Variants in OR1D2 observed in about 807,000 individuals in gnomAD.
OR1D2 encodes the protein olfactory receptor 1D2.
For synonymous variants in OR1D2, 157 were observed against 153.9 expected (o/e 1.02, Z -0.15); for missense variants, 357 against 376.1 (o/e 0.95, Z 0.42).
chr17:3,098,791 A>G lies in OR1D2; in HGVS notation c.-51+5308T>C, dbSNP rs571111309. Among the ~76,000 whole-genome samples the G allele has an allele frequency of 2.0e-5, 3 of 152,318 alleles. No individual in the cohort carries two copies. In the South Asian group the frequency reaches 6.2e-4, roughly 32 times the overall value. On this transcript the variant is annotated intron_variant, in intron 1 of 1. Transcript: ENST00000641833. ...AAGCTAAGAACCTTGATAAAAGGTT[A>G]CAGGAGCTGCTGACTAGAATAATCA...
Position 3,089,658 on chromosome 17 carries a change from G to A in OR1D2, c.*2400C>T, listed in dbSNP as rs1371103980. 1 of 152,270 alleles carries A rather than the reference G, an allele frequency of 6.6e-6. No individual in the cohort carries two copies. Among genetic ancestry groups the A allele is most frequent in the African/African-American group, 2.4e-5 (1 of 41,442 alleles). The allele number at this position is 152,270 out of a possible 1,614,324, so 9.4% of individuals were successfully genotyped here. On this transcript the variant is annotated 3_prime_UTR_variant, in exon 2 of 2. Transcript: ENST00000641833. Reference sequence around the variant, plus strand: ...AGGGTGCGTAGAGAAAGACCATTAGGTTGGGGCAGGGTTAGGCATGTGTGA... The same window carrying A: ...AGGGTGCGTAGAGAAAGACCATTAGATTGGGGCAGGGTTAGGCATGTGTGA...
chr17:3,096,907 GA>G (rs1427433497), intron 1 of OR1D2, among the ~76,000 whole-genome samples: 15 of 152,268 alleles, frequency 9.9e-5, no homozygotes, highest in Admixed American at 7.8e-4. Flanking sequence ...AACAAAAGAA[GA>G]AAGTTATTTT....
At chr17:3,103,892 G>C (rs4420563) in intron 1 of OR1D2, among the ~76,000 whole-genome samples, 9,611 of 152,198 alleles carry the variant, frequency 0.063, 413 homozygotes, top group Admixed American at 0.16. Flanking sequence ...ACATGCAACA[G>C]AGAATGTGAA....
intron 1 of OR1D2, among the ~76,000 whole-genome samples, chr17:3,095,985 C>G (rs2047843146): frequency 6.6e-6 from 1 of 151,990 alleles, no homozygotes; most frequent in African/African-American, 2.4e-5. Context: ...AAATCATTTT[C>G]TATATATCAT....
At chr17:3,097,560 T>G (rs1227588780) in intron 1 of OR1D2, among the ~76,000 whole-genome samples, 2 of 152,310 alleles carry the variant, frequency 1.3e-5, no homozygotes, top group South Asian at 4.1e-4. Flanking sequence ...AAGATTCCAC[T>G]GGTGAACCCA....
chr17:3,097,857 G>A (rs1306606770), intron 1 of OR1D2, among the ~76,000 whole-genome samples: 1 of 152,130 alleles, frequency 6.6e-6, no homozygotes, highest in African/African-American at 2.4e-5. Flanking sequence ...GAGACTGGTT[G>A]ACTTGGTCCC....
At chr17:3,098,679 T>A (rs1411330948) in intron 1 of OR1D2, among the ~76,000 whole-genome samples, 1 of 152,082 alleles carries the variant, frequency 6.6e-6, no homozygotes, top group Admixed American at 6.5e-5. Flanking sequence ...GAGGATGAGA[T>A]GGCTGAATTG....
At chr17:3,093,090 C>A (rs548417153) in intron 1 of OR1D2, 44 bp from the exon 2 acceptor site, 6 of 1,203,590 alleles carry the variant, frequency 5.0e-6, no homozygotes, top group Non-Finnish European at 7.1e-6. Context: ...TCAACATTTT[C>A]TTAGAATTAA....
chr17:3,091,229 T>G lies in OR1D2; in HGVS notation c.*829A>C, dbSNP rs1422985670. 1 of 152,244 alleles carries G rather than the reference T, an allele frequency of 6.6e-6. No individual in the cohort carries two copies. Among genetic ancestry groups the G allele is most frequent in the Non-Finnish European group, 1.5e-5 (1 of 68,050 alleles). The allele number at this position is 152,244 out of a possible 1,614,324, so 9.4% of individuals were successfully genotyped here. A position where few individuals can be genotyped will look rare whatever the true frequency, so the allele number is the denominator to read the frequency against. ...AGAGATACAACTGTCGATTCCACCATCTTGTTGACATCACTCCTTTCACCC... is the reference window on the plus strand; with the variant it reads ...AGAGATACAACTGTCGATTCCACCAGCTTGTTGACATCACTCCTTTCACCC... On this transcript the variant is annotated 3_prime_UTR_variant, in exon 2 of 2. Coordinates refer to ENST00000641833, the MANE Select transcript of OR1D2 (RefSeq NM_002548.3).
chr17:3,091,315 T>G lies in OR1D2; in HGVS notation c.*743A>C, dbSNP rs980250342. On this transcript the variant is annotated 3_prime_UTR_variant, in exon 2 of 2. Coordinates refer to ENST00000641833, the MANE Select transcript of OR1D2 (RefSeq NM_002548.3). The stretch of plus-strand genomic sequence containing the variant: ...AATATTTCACTTAAAATATTTAGTA[T>G]TTTCCAAATATGTCTGTTTCTCTTT... 1 of 152,258 alleles carries G rather than the reference T, an allele frequency of 6.6e-6. No individual in the cohort carries two copies. The highest frequency in any genetic ancestry group is 1.5e-5 in the Non-Finnish European group (1 of 68,042). 9.4% of individuals were successfully genotyped at this position (152,258 alleles called of 1,614,324 possible). A position where few individuals can be genotyped will look rare whatever the true frequency, so the allele number is the denominator to read the frequency against.
In OR1D2 at chr17:3,090,650, A is replaced by G. The variant is rs2047801133; in HGVS notation, c.*1408T>C. ...GTTTTTCACCAGTCAGCTTAGCCAG[A>G]TATTCTGGGCTGGCCAGTTGGCAGG... On this transcript the variant is annotated 3_prime_UTR_variant, in exon 2 of 2. Coordinates refer to ENST00000641833, the MANE Select transcript of OR1D2 (RefSeq NM_002548.3). 6.6e-6 allele frequency: 1 copy of G among 152,340 alleles called. No individual in the cohort carries two copies. The highest frequency in any genetic ancestry group is 1.9e-4 in the East Asian group (1 of 5,176). 9.4% of individuals were successfully genotyped at this position (152,340 alleles called of 1,614,324 possible). A position where few individuals can be genotyped will look rare whatever the true frequency, so the allele number is the denominator to read the frequency against.
At chr17:3,097,908 C>G (rs980240774) in intron 1 of OR1D2, among the ~76,000 whole-genome samples, 20 of 152,196 alleles carry the variant, frequency 1.3e-4, no homozygotes, top group African/African-American at 4.8e-4. Context: ...CTATGGTCGA[C>G]TGTGGCCAAA....
Position 3,101,095 on chromosome 17 carries a change from A to C in OR1D2, c.-51+3004T>G, listed in dbSNP as rs61088615. Among the ~76,000 whole-genome samples, 889 of 152,312 alleles carry C rather than the reference A, an allele frequency of 5.8e-3. 18 individuals carry two copies. The highest frequency in any genetic ancestry group is 0.038 in the Admixed American group (576 of 15,292). Reference sequence around the variant, plus strand: ...CACAGCCAAATTCTACCAGAAGTACAAAGAGGAGCTGGTACCACTCCTTCT... The same window carrying C: ...CACAGCCAAATTCTACCAGAAGTACCAAGAGGAGCTGGTACCACTCCTTCT... On this transcript the variant is annotated intron_variant, in intron 1 of 1. Transcript: ENST00000641833.
intron 1 of OR1D2, among the ~76,000 whole-genome samples, chr17:3,096,216 A>G (rs898317142): frequency 6.6e-6 from 1 of 152,220 alleles, no homozygotes; most frequent in African/African-American, 2.4e-5. Flanking sequence ...GTAAAATGGG[A>G]GACATAAATC....
chr17:3,093,439 C>G (rs2047827382), intron 1 of OR1D2, among the ~76,000 whole-genome samples: 1 of 152,198 alleles, frequency 6.6e-6, no homozygotes, highest in African/African-American at 2.4e-5. Flanking sequence ...GGACTATCCA[C>G]TGAAAGACTA....
rs780784044 is a variant in OR1D2 at position 3,092,837 on chromosome 17, G to A, written c.160C>T (p.Arg54Cys). ...LIILAISSDS[R>C]LHTPVYFFLA... is the part of the protein sequence containing the mutation. ...AAGAAGTACACGGGGGTGTGCAGGC[G>A]GGAATCAGAGCTGATGGCCAGGATG... Residue 54 changes from arginine (R) to cysteine (C), a missense_variant, in exon 2 of 2, where the codon CGC (arginine) becomes TGC (cysteine). Transcript: ENST00000641833. The A allele has an allele frequency of 9.9e-6, 16 of 1,614,068 alleles. No individual in the cohort carries two copies. Among genetic ancestry groups the A allele is most frequent in the South Asian group, 5.5e-5 (5 of 91,074 alleles).
chr17:3,102,748 A>T lies in OR1D2; in HGVS notation c.-51+1351T>A, dbSNP rs566087297. ...GAGCTGAAATGCTGTATGTGGAAGC[A>T]GCTCTCCAAACTTAAAGCCTAATTG... is the stretch of plus-strand genomic sequence containing the variant. On this transcript the variant is annotated intron_variant, in intron 1 of 1. Coordinates refer to ENST00000641833, the MANE Select transcript of OR1D2 (RefSeq NM_002548.3). Among the ~76,000 whole-genome samples, 32 of 152,306 alleles carry T rather than the reference A, an allele frequency of 2.1e-4. 1 individual carries two copies. In the South Asian group the frequency reaches 4.1e-3, roughly 20 times the overall value.
chr17:3,099,310 A>G (rs1013037725), intron 1 of OR1D2, among the ~76,000 whole-genome samples: 8 of 152,232 alleles, frequency 5.3e-5, no homozygotes, highest in Non-Finnish European at 1.5e-5. Flanking sequence ...GGTGACCATC[A>G]GACTAACAGT....
Position 3,090,948 on chromosome 17 carries a change from A to G in OR1D2, c.*1110T>C, listed in dbSNP as rs532810575. The G allele has an allele frequency of 6.6e-6, 1 of 152,164 alleles. No individual in the cohort carries two copies. The highest frequency in any genetic ancestry group is 6.5e-5 in the Admixed American group (1 of 15,280). The allele number at this position is 152,164 out of a possible 1,614,324, so 9.4% of individuals were successfully genotyped here. On this transcript the variant is annotated 3_prime_UTR_variant, in exon 2 of 2. Coordinates refer to ENST00000641833, the MANE Select transcript of OR1D2 (RefSeq NM_002548.3). ...TCCTGAAAGTCAGGGGAAGTTGTAC[A>G]TATGTTTTATTTTCTTTTTTACTTA...
Sources: allele counts gnomAD v4.1 joint callset (sites outside exome capture counted in the v4.1 genomes callset), GRCh38; gene constraint gnomAD v4.1.1; transcripts MANE v1.5; gene names NCBI Gene and HGNC (gene_info 2026-07-23, HGNC 2026-07-21).